ZNF680: variants seen among roughly 807,000 people sequenced by gnomAD.
ZNF680 encodes the protein zinc finger protein 680.
In ZNF680, 6 loss-of-function variants were observed where a neutral mutation model predicts 12.1. The observed-to-expected ratio is 0.49, with a 90% CI of 0.27 to 0.98. The LOEUF (loss-of-function observed/expected upper bound fraction) is 0.98, where lower values mean the gene tolerates loss of function less well. ZNF680 is among the 50% of genes least tolerant of loss of function. The pLI, the probability that ZNF680 is intolerant of heterozygous loss-of-function variation, is 0.12. For missense variants in ZNF680, 561 were observed against 616.3 expected, an observed-to-expected ratio of 0.91 and a Z score of 0.95; for synonymous variants, 170 against 199.3, an observed-to-expected ratio of 0.85 and a Z score of 1.24.
chr7:64,508,653 A>G, the ZNF680 span, among the ~76,000 whole-genome samples: 1 of 152,184 alleles, frequency 6.6e-6, no homozygotes, highest in Non-Finnish European at 1.5e-5. Flanking sequence ...CAGGGGACCT[A>G]AGCCATCACA....
At chr7:64,550,447 C>T (rs1172242943) in intron 1 of ZNF680, among the ~76,000 whole-genome samples, 1 of 152,172 alleles carries the variant, frequency 6.6e-6, no homozygotes, top group Non-Finnish European at 1.5e-5. Context: ...CCCAAAATCT[C>T]AAGATCCCGA....
intron 3 of ZNF680, among the ~76,000 whole-genome samples, chr7:64,530,871 T>TAAA (rs1468237767): frequency 1.4e-5 from 2 of 145,474 alleles, no homozygotes; most frequent in South Asian, 2.2e-4. Context: ...AAAAAAAATT[T>TAAA]AAAAATAATA....
chr7:64,553,506 T>C (rs991412182), intron 1 of ZNF680, among the ~76,000 whole-genome samples: 2 of 152,204 alleles, frequency 1.3e-5, no homozygotes, highest in South Asian at 2.1e-4. Flanking sequence ...GATTCAGGCA[T>C]CCAAGGAGTG....
At chr7:64,557,826 AAG>A (rs1434123832) in intron 1 of ZNF680, among the ~76,000 whole-genome samples, 1 of 152,152 alleles carries the variant, frequency 6.6e-6, no homozygotes, top group African/African-American at 2.4e-5. Context: ...GCGGAGGACA[AAG>A]AGAGGAAAAA....
At chr7:64,511,213 T>C in the ZNF680 span, among the ~76,000 whole-genome samples, 1 of 151,894 alleles carries the variant, frequency 6.6e-6, no homozygotes, top group Non-Finnish European at 1.5e-5. Context: ...GAGGTTGCAG[T>C]GAGCCAAGAT....
intron 1 of ZNF680, among the ~76,000 whole-genome samples, chr7:64,545,828 G>A (rs1596927): frequency 0.25 from 38,245 of 152,008 alleles, 5,097 homozygotes; most frequent in Non-Finnish European, 0.29. Context: ...GAACACAGAT[G>A]GATCCTCAAC....
intron 1 of ZNF680, among the ~76,000 whole-genome samples, chr7:64,548,158 C>A (rs186615363): frequency 6.6e-6 from 1 of 152,280 alleles, no homozygotes; most frequent in Admixed American, 6.5e-5. Flanking sequence ...TTCTTTTAGC[C>A]ACTGCCATGT....
chr7:64,506,875 C>T, the ZNF680 span, among the ~76,000 whole-genome samples: 1 of 152,044 alleles, frequency 6.6e-6, no homozygotes, highest in Non-Finnish European at 1.5e-5. Context: ...ATAATGATAC[C>T]TATGTTATTA....
At chr7:64,510,767 G>A in the ZNF680 span, among the ~76,000 whole-genome samples, 11 of 132,972 alleles carry the variant, frequency 8.3e-5, no homozygotes, top group Admixed American at 1.5e-4. Context: ...AAAATTAGCC[G>A]GGCGTAGTGG....
intron 3 of ZNF680, among the ~76,000 whole-genome samples, chr7:64,537,955 A>G (rs1184809000): frequency 6.6e-6 from 1 of 151,988 alleles, no homozygotes; most frequent in Non-Finnish European, 1.5e-5. Context: ...AAACAAACAA[A>G]AACAGAATAG....
intron 1 of ZNF680, among the ~76,000 whole-genome samples, chr7:64,553,343 C>T (rs779578962): frequency 2.0e-5 from 3 of 152,110 alleles, no homozygotes; most frequent in African/African-American, 7.2e-5. Flanking sequence ...AATCCAAATG[C>T]TTTAAGAAAA....
intron 3 of ZNF680, among the ~76,000 whole-genome samples, chr7:64,536,791 G>A (rs1786191046): frequency 6.6e-6 from 1 of 152,190 alleles, no homozygotes; most frequent in South Asian, 2.1e-4. Context: ...AATAACAACT[G>A]GGTGCAGTGG....
At chr7:64,559,478 T>C (rs1787605312) in intron 1 of ZNF680, among the ~76,000 whole-genome samples, 1 of 151,846 alleles carries the variant, frequency 6.6e-6, no homozygotes, top group Admixed American at 6.6e-5. Flanking sequence ...GTTTAGGTTT[T>C]TTTTTTTTGC....
the ZNF680 span, among the ~76,000 whole-genome samples, chr7:64,506,487 C>G: frequency 6.6e-6 from 1 of 151,958 alleles, no homozygotes; most frequent in East Asian, 1.9e-4. Context: ...CACACCCAGC[C>G]TAGTCTTTTA....
intron 3 of ZNF680, among the ~76,000 whole-genome samples, chr7:64,523,826 T>C (rs1451077546): frequency 1.3e-5 from 2 of 150,816 alleles, no homozygotes; most frequent in Non-Finnish European, 3.0e-5. Context: ...GGCGGGAGAA[T>C]GGTGTGAACC....
intron 3 of ZNF680, among the ~76,000 whole-genome samples, chr7:64,528,375 G>T (rs373085817): frequency 1.3e-5 from 2 of 152,182 alleles, no homozygotes; most frequent in African/African-American, 4.8e-5. Flanking sequence ...TCACAGGGCC[G>T]GGGAAGAACT....
rs761515979 is a variant in ZNF680, at chr7:64,522,500, A to AT, written c.254-1_254insA (p.Val85AspfsTer8). 1.4e-6 allele frequency: 2 copies of AT among 1,458,264 alleles called. No individual in the cohort carries two copies. Among genetic ancestry groups the AT allele is most frequent in the Admixed American group, 4.7e-5 (2 of 42,534 alleles). 90.3% of individuals were successfully genotyped at this position (1,458,264 alleles called of 1,614,324 possible). On this transcript the variant is annotated frameshift_variant and splice_region_variant. Transcript: ENST00000309683. LOFTEE classifies it high-confidence loss of function. ...GTCTTCAGTGAAATGAGAATATATA[A>AT]CTGAAAGACATAAAAGTAACAAATT... is the stretch of plus-strand genomic sequence containing the variant.
At chr7:64,501,132 G>T in the ZNF680 span, 1 of 928,480 alleles carries the variant, frequency 1.1e-6, no homozygotes, top group South Asian at 1.4e-5. Context: ...CTGCAGCGAT[G>T]TATGGGTCAG....
chr7:64,545,482 T>C (rs888937363), intron 1 of ZNF680, among the ~76,000 whole-genome samples: 2 of 152,150 alleles, frequency 1.3e-5, no homozygotes, highest in African/African-American at 4.8e-5. Context: ...GTCAGACAGC[T>C]CTTTAGCCAA....
Sources: allele counts gnomAD v4.1 joint callset (sites outside exome capture counted in the v4.1 genomes callset), GRCh38; gene constraint gnomAD v4.1.1; transcripts MANE v1.5; gene names NCBI Gene and HGNC (gene_info 2026-07-23, HGNC 2026-07-21).